The following CCDC158 variants were observed in gnomAD, a reference collection of about 807,000 sequenced individuals.
CCDC158 encodes the protein coiled-coil domain-containing protein 158.
Under a neutral mutation model 138.6 loss-of-function variants are expected in CCDC158, and 116 were observed. The ratio of observed to expected loss-of-function variants is 0.84; its 90% confidence interval spans 0.72 to 0.98. The LOEUF is 0.98. Ranked by LOEUF, CCDC158 falls within the 50% of genes least tolerant of loss-of-function variation. CCDC158 has a pLI of 0.00. For synonymous variants in CCDC158, 436 were observed against 442.4 expected, an observed-to-expected ratio of 0.99 and a Z score of 0.18; for missense variants, 1,265 against 1,306.1, an observed-to-expected ratio of 0.97 and a Z score of 0.48.
chr4:76,334,076 G>A lies in CCDC158; in HGVS notation c.2756C>T (p.Pro919Leu). Reference protein sequence around the residue: ...QELRSVINEEPAVSLSKTEED... With the variant: ...QELRSVINEELAVSLSKTEED... ...CTCTGTCTTGCTCAGAGACACAGCT[G>A]GCTCCTCATTGATCACGCTTCTCAA... is the stretch of plus-strand genomic sequence containing the variant. Residue 919 changes from proline (P) to leucine (L), a missense_variant, in exon 19 of 25, where the codon CCA (proline) becomes CTA (leucine). Pro to Leu is a moderately conservative substitution (Grantham distance 98). Coordinates refer to ENST00000682701, the MANE Select transcript of CCDC158 (RefSeq NM_001394954.1). The A allele has an allele frequency of 6.2e-7, 1 of 1,613,838 alleles. No individual in the cohort carries two copies. Among genetic ancestry groups the A allele is most frequent in the Non-Finnish European group, 8.5e-7 (1 of 1,179,794 alleles).
At position 76,380,711 on chromosome 4, in the gene CCDC158, A is replaced by AGTAAC. The variant is rs200882607; in HGVS notation, c.915-1308_915-1307insGTTAC. On this transcript the variant is annotated intron_variant, in intron 8 of 24. Transcript: ENST00000682701. ...GCTGCCGGCTGCAGAAATTTGCATA[A>AGTAAC]GAAGAGGTGCAAGACAATGGGGAAA... Among the ~76,000 whole-genome samples the AGTAAC allele has an allele frequency of 2.8e-3, 420 of 152,300 alleles. 1 individual carries two copies. Among genetic ancestry groups the AGTAAC allele is most frequent in the African/African-American group, 9.2e-3 (381 of 41,558 alleles).
intron 13 of CCDC158, among the ~76,000 whole-genome samples, chr4:76,357,830 G>A (rs2110198823): frequency 6.6e-6 from 1 of 152,142 alleles, no homozygotes; most frequent in Non-Finnish European, 1.5e-5. Context: ...GGATGACCGT[G>A]TTCACTAGAG....
chr4:76,362,591 ACCC>A (rs1391076587), intron 12 of CCDC158, among the ~76,000 whole-genome samples: 6 of 152,300 alleles, frequency 3.9e-5, no homozygotes, highest in Admixed American at 2.6e-4. Context: ...GCTTGCAACA[ACCC>A]TTCATTATTC....
intron 12 of CCDC158, 47 bp from the exon 13 acceptor site, chr4:76,362,362 A>C (rs1560425863): frequency 7.2e-7 from 1 of 1,386,762 alleles, no homozygotes; most frequent in African/African-American, 1.5e-5. Context: ...AAAAATATGT[A>C]CATGTATAGT....
Position 76,334,171 on chromosome 4 carries a change from A to C in CCDC158, c.2665-4T>G, listed in dbSNP as rs753787829. On this transcript the variant is annotated splice_region_variant and splice_polypyrimidine_tract_variant and intron_variant, in intron 18 of 24. Transcript: ENST00000682701. ...GTGTGTTAGCTTTTGTAGAGTGCTGAGTTAAAACAATTTACAAAGACACTT... is the reference window on the plus strand; with the variant it reads ...GTGTGTTAGCTTTTGTAGAGTGCTGCGTTAAAACAATTTACAAAGACACTT... The C allele has an allele frequency of 6.5e-7, 1 of 1,539,158 alleles. No individual in the cohort carries two copies. Among genetic ancestry groups the C allele is most frequent in the Non-Finnish European group, 8.8e-7 (1 of 1,134,644 alleles).
chr4:76,387,324 G>A (rs751508222), intron 4 of CCDC158, among the ~76,000 whole-genome samples: 11 of 152,106 alleles, frequency 7.2e-5, no homozygotes, highest in Non-Finnish European at 1.5e-4. Flanking sequence ...TACACCCTGG[G>A]CCAAAAGGGA....
At chr4:76,365,207 A>G in intron 12 of CCDC158, among the ~76,000 whole-genome samples, 1 of 152,194 alleles carries the variant, frequency 6.6e-6, no homozygotes, top group Non-Finnish European at 1.5e-5. Flanking sequence ...TCTGCTGTCA[A>G]TGTGTGCAGT....
rs1721245087 is a variant in CCDC158, at chr4:76,334,064, A to G, written c.2768T>C (p.Leu923Pro). The G allele has an allele frequency of 6.2e-7, 1 of 1,613,860 alleles. No homozygotes were observed. The highest frequency in any genetic ancestry group is 8.5e-7 in the Non-Finnish European group (1 of 1,179,790). ...TCTTCCATCTTCCTCTGTCTTGCTC[A>G]GAGACACAGCTGGCTCCTCATTGAT... ...SVINEEPAVSLSKTEEDGRTS... is the reference protein window; with the variant it reads ...SVINEEPAVSPSKTEEDGRTS... The change falls in exon 19 of 25, where the codon CTG (leucine) becomes CCG (proline). Residue 923 changes from leucine to proline, a missense_variant. Physicochemically the swap from Leu to Pro is moderately conservative, Grantham distance 98 (BLOSUM62 -3). Transcript: ENST00000682701.
chr4:76,371,456 C>T lies in CCDC158; in HGVS notation c.1110G>A (p.Gln370=). The T allele has an allele frequency of 1.2e-6, 2 of 1,614,034 alleles. No homozygotes were observed. Among genetic ancestry groups the T allele is most frequent in the Non-Finnish European group, 1.7e-6 (2 of 1,179,974 alleles). Residue 370 remains glutamine, a synonymous_variant, in exon 10 of 25, where the codon CAG becomes CAA. Coordinates refer to ENST00000682701, the MANE Select transcript of CCDC158 (RefSeq NM_001394954.1). Reference sequence around the variant, plus strand: ...GTTGATCATCTAAATTTCCAGATTCCTGACTGAATTGATCACGCTCTGTCC... The same window carrying T: ...GTTGATCATCTAAATTTCCAGATTCTTGACTGAATTGATCACGCTCTGTCC... ...EARTERDQFS[Q]ESGNLDDQLQ... is the part of the protein sequence containing the mutation.
chr4:76,331,260 A>G, intron 21 of CCDC158, 84 bp downstream of exon 21: 3 of 1,233,790 alleles, frequency 2.4e-6, no homozygotes, highest in Non-Finnish European at 3.6e-6. Flanking sequence ...TGCATGGCAC[A>G]TTACAGACAG....
At chr4:76,355,502 T>C (rs1578954295) in intron 14 of CCDC158, 66 bp from the exon 15 acceptor site, 7 of 1,034,010 alleles carry the variant, frequency 6.8e-6, no homozygotes, top group African/African-American at 3.1e-5. Context: ...GGTAATTTGA[T>C]GGTTAAACTT....
At chr4:76,372,228 C>A (rs1157648482) in intron 9 of CCDC158, among the ~76,000 whole-genome samples, 1 of 152,114 alleles carries the variant, frequency 6.6e-6, no homozygotes, top group Non-Finnish European at 1.5e-5. Context: ...CCCTTGAGCC[C>A]AGGAGTTCAA....
chr4:76,344,941 T>G, intron 18 of CCDC158: 1 of 1,521,688 alleles, frequency 6.6e-7, no homozygotes, highest in Non-Finnish European at 9.1e-7. Context: ...TCTTCAAAAG[T>G]GTGGTGAAAA....
rs1219970799 is a variant in CCDC158, at chr4:76,421,084, C to A, written c.-236G>T. Among the ~76,000 whole-genome samples the A allele has an allele frequency of 1.3e-5, 2 of 151,988 alleles. No homozygotes were observed. Among genetic ancestry groups the A allele is most frequent in the African/African-American group, 4.8e-5 (2 of 41,422 alleles). On this transcript the variant is annotated 5_prime_UTR_variant, in exon 1 of 25. The change creates a new upstream start codon in the 5' untranslated region. Coordinates refer to ENST00000682701, the MANE Select transcript of CCDC158 (RefSeq NM_001394954.1). ...CGGGGCGGCTCCCCACTCTTCGCCC[C>A]TAGGCCCCGCGGAGGCTGCGGGGCG...
chr4:76,335,192 A>G (rs971692427), intron 18 of CCDC158, among the ~76,000 whole-genome samples: 4 of 152,222 alleles, frequency 2.6e-5, no homozygotes, highest in Admixed American at 2.0e-4. Flanking sequence ...GATGTGAATC[A>G]CTTTGTCAAT....
intron 20 of CCDC158, among the ~76,000 whole-genome samples, chr4:76,331,681 G>A (rs899883352): frequency 2.0e-5 from 3 of 152,092 alleles, no homozygotes; most frequent in African/African-American, 7.2e-5. Context: ...AAAAATAAAT[G>A]AACTTTTGGG....
chr4:76,319,938 T>A (rs1279700879), intron 24 of CCDC158, among the ~76,000 whole-genome samples: 1 of 152,062 alleles, frequency 6.6e-6, no homozygotes, highest in Non-Finnish European at 1.5e-5. Context: ...GAAGTCCTAG[T>A]CAGAGCAGTC....
intron 14 of CCDC158, among the ~76,000 whole-genome samples, 153 bp downstream of exon 14, chr4:76,357,221 T>A (rs1052839755): frequency 2.0e-5 from 3 of 152,230 alleles, no homozygotes; most frequent in Non-Finnish European, 4.4e-5. Flanking sequence ...TACTGCTACA[T>A]AACCTCCATC....
chr4:76,353,894 G>A (rs892988273), intron 15 of CCDC158, among the ~76,000 whole-genome samples: 14 of 152,122 alleles, frequency 9.2e-5, no homozygotes, highest in African/African-American at 3.4e-4. Context: ...AATAATAAAT[G>A]TATAGTTGTC....
Sources: allele counts gnomAD v4.1 joint callset (sites outside exome capture counted in the v4.1 genomes callset), GRCh38; gene constraint gnomAD v4.1.1; transcripts MANE v1.5; gene names NCBI Gene and HGNC (gene_info 2026-07-23, HGNC 2026-07-21).